SUMF1: variants seen among roughly 807,000 people sequenced by gnomAD.
SUMF1 encodes the protein formylglycine-generating enzyme.
In SUMF1, 48 loss-of-function variants were observed where a neutral mutation model predicts 47.6. That is an observed-to-expected ratio of 1.01 (90% CI 0.80 to 1.28). SUMF1 has a LOEUF of 1.28. Among genes scored for constraint, SUMF1 ranks in the 50% most tolerant of loss-of-function variants. The probability of loss-of-function intolerance (pLI) is 0.00; values close to 1 mark genes in which losing one functional copy is unlikely to be tolerated. For missense variants in SUMF1, 571 were observed against 485.4 expected, an observed-to-expected ratio of 1.18 and a Z score of -1.66; for synonymous variants, 230 against 192.1, an observed-to-expected ratio of 1.20 and a Z score of -1.63.
chr3:4,122,475 A>G (rs1464488439), intron 8 of SUMF1, among the ~76,000 whole-genome samples: 1 of 152,156 alleles, frequency 6.6e-6, no homozygotes, highest in Non-Finnish European at 1.5e-5. Flanking sequence ...TTGGGACCAG[A>G]TAGAGGCAGT....
intron 8 of SUMF1, among the ~76,000 whole-genome samples, chr3:4,171,742 T>C (rs1187141555): frequency 1.3e-5 from 2 of 152,062 alleles, no homozygotes; most frequent in African/African-American, 2.4e-5. Context: ...GGGGAGGAGA[T>C]GGAGTTGTAG....
At chr3:4,397,634 T>C (rs1559272491) in intron 7 of SUMF1, among the ~76,000 whole-genome samples, 1 of 152,186 alleles carries the variant, frequency 6.6e-6, no homozygotes. Context: ...GGATAAGTGC[T>C]AAGTGCCCAA....
At chr3:4,237,043 T>G (rs1429029095) in intron 8 of SUMF1, among the ~76,000 whole-genome samples, 2 of 152,128 alleles carry the variant, frequency 1.3e-5, no homozygotes, top group African/African-American at 4.8e-5. Flanking sequence ...TGAGTTTAAG[T>G]TTCCTCCATG....
intron 8 of SUMF1, among the ~76,000 whole-genome samples, chr3:4,374,785 C>G (rs1248788855): frequency 1.3e-5 from 2 of 152,104 alleles, no homozygotes; most frequent in Non-Finnish European, 2.9e-5. Flanking sequence ...GAGAAGCAAT[C>G]TGGGATTAAA....
intron 8 of SUMF1, among the ~76,000 whole-genome samples, chr3:4,168,970 C>A (rs1236673925): frequency 1.3e-5 from 2 of 152,150 alleles, no homozygotes; most frequent in African/African-American, 4.8e-5. Flanking sequence ...ATTGGTTAAA[C>A]CCCTGCTGAT....
intron 7 of SUMF1, among the ~76,000 whole-genome samples, chr3:4,385,508 T>C (rs1253561933): frequency 6.6e-6 from 1 of 152,196 alleles, no homozygotes; most frequent in Non-Finnish European, 1.5e-5. Context: ...GAGTTTTTTA[T>C]GTATTGTAAA....
chr3:4,095,082 G>A (rs1260199253), intron 8 of SUMF1, among the ~76,000 whole-genome samples: 1 of 152,082 alleles, frequency 6.6e-6, no homozygotes, highest in Non-Finnish European at 1.5e-5. Flanking sequence ...GATAATTGCT[G>A]TGTCACCTAC....
chr3:4,459,558 C>A (rs1409015951), intron 1 of SUMF1, among the ~76,000 whole-genome samples: 1 of 152,114 alleles, frequency 6.6e-6, no homozygotes, highest in Non-Finnish European at 1.5e-5. Flanking sequence ...GCGTGTACTT[C>A]CCAATAAAAA....
intron 8 of SUMF1, among the ~76,000 whole-genome samples, chr3:4,362,572 C>T (rs1699802279): frequency 6.6e-6 from 1 of 152,146 alleles, no homozygotes; most frequent in Non-Finnish European, 1.5e-5. Context: ...AGTAAGCAGC[C>T]ATTGAAAGTC....
intron 8 of SUMF1, among the ~76,000 whole-genome samples, chr3:4,330,515 C>A (rs747820886): frequency 1.3e-5 from 2 of 152,144 alleles, no homozygotes; most frequent in African/African-American, 4.8e-5. Context: ...TCAGATCTCA[C>A]GAGACTTATT....
At chr3:4,088,302 A>G (rs1176259386) in intron 8 of SUMF1, among the ~76,000 whole-genome samples, 3 of 152,158 alleles carry the variant, frequency 2.0e-5, no homozygotes, top group Admixed American at 2.0e-4. Flanking sequence ...ACCTTAGGAA[A>G]TAGGCAAAAA....
At chr3:4,294,527 A>G (rs1242552234) in intron 8 of SUMF1, among the ~76,000 whole-genome samples, 1 of 152,160 alleles carries the variant, frequency 6.6e-6, no homozygotes, top group African/African-American at 2.4e-5. Flanking sequence ...AGGTACAATG[A>G]GCCTCTGAGT....
intron 9 of SUMF1, among the ~76,000 whole-genome samples, chr3:4,046,273 C>T (rs1169903260): frequency 6.6e-6 from 1 of 152,064 alleles, no homozygotes; most frequent in East Asian, 1.9e-4. Context: ...GGTTGAGAAG[C>T]TTTCGTACCT....
At chr3:4,112,276 C>A (rs915725246) in intron 8 of SUMF1, among the ~76,000 whole-genome samples, 3 of 152,132 alleles carry the variant, frequency 2.0e-5, no homozygotes, top group African/African-American at 4.8e-5. Context: ...CAAAACATTT[C>A]TAAGCCCAAG....
intron 8 of SUMF1, among the ~76,000 whole-genome samples, chr3:4,254,046 G>C (rs313664): frequency 6.6e-6 from 1 of 150,760 alleles, no homozygotes; most frequent in African/African-American, 2.5e-5. Context: ...ACCTGCAGCT[G>C]AGGGTCCTGT....
intron 7 of SUMF1, among the ~76,000 whole-genome samples, chr3:4,377,508 G>A (rs1054284447): frequency 1.3e-5 from 2 of 152,160 alleles, no homozygotes; most frequent in Non-Finnish European, 2.9e-5. Context: ...ACTCCACTGC[G>A]CTCCCACTTA....
chr3:4,069,228 C>T (rs1002789664), intron 8 of SUMF1, among the ~76,000 whole-genome samples: 1 of 152,152 alleles, frequency 6.6e-6, no homozygotes, highest in Non-Finnish European at 1.5e-5. Flanking sequence ...GTGAGCTCTA[C>T]ACAAATCCAT....
chr3:4,271,126 T>C (rs1171374372), intron 8 of SUMF1, among the ~76,000 whole-genome samples: 6 of 152,196 alleles, frequency 3.9e-5, no homozygotes, highest in Admixed American at 6.5e-5. Flanking sequence ...GTCTGATCGA[T>C]TGTGCTAATA....
At chr3:4,037,948 C>T (rs1288933263) in intron 9 of SUMF1, among the ~76,000 whole-genome samples, 1 of 152,096 alleles carries the variant, frequency 6.6e-6, no homozygotes, top group Non-Finnish European at 1.5e-5. Context: ...GGTATTGAAG[C>T]TTTGGAGTAT....
Sources: gnomAD v4.1 joint callset for allele counts (sites outside exome capture counted in the v4.1 genomes callset) on GRCh38, gnomAD v4.1.1 for gene constraint, MANE v1.5 for transcripts, NCBI Gene and HGNC (gene_info 2026-07-23, HGNC 2026-07-21) for gene names.